Variants in UNC5D observed in about 807,000 individuals in gnomAD.
UNC5D encodes unc-5 netrin receptor D.
Under a neutral mutation model 105.4 loss-of-function variants are expected in UNC5D, and 39 were observed. That is an observed-to-expected ratio of 0.37 (90% CI 0.29 to 0.48). UNC5D has a LOEUF of 0.48. Ranked by LOEUF, UNC5D falls within the 20% of genes least tolerant of loss-of-function variation. The pLI, the probability that UNC5D is intolerant of heterozygous loss-of-function variation, is 0.98. For synonymous variants in UNC5D, 452 were observed against 450.4 expected, an observed-to-expected ratio of 1.00 and a Z score of -0.04; for missense variants, 991 against 1,202.4, an observed-to-expected ratio of 0.82 and a Z score of 2.60.
intron 1 of UNC5D, among the ~76,000 whole-genome samples, chr8:35,425,672 T>C (rs1374964459): frequency 1.3e-5 from 2 of 152,176 alleles, no homozygotes; most frequent in Non-Finnish European, 2.9e-5. Context: ...CTTTCTCCTA[T>C]TCACGTCTCT....
At chr8:35,750,488 A>G in intron 12 of UNC5D, 94 bp from the exon 13 acceptor site, 1 of 1,319,856 alleles carries the variant, frequency 7.6e-7, no homozygotes, top group Non-Finnish European at 1.1e-6. Flanking sequence ...AAACAAATTT[A>G]TATTTGTGTG....
intron 1 of UNC5D, among the ~76,000 whole-genome samples, chr8:35,376,949 C>T (rs1802732221): frequency 6.6e-6 from 1 of 152,186 alleles, no homozygotes; most frequent in Non-Finnish European, 1.5e-5. Context: ...TCTCATAGTG[C>T]ACTCCTTCCT....
chr8:35,774,547 A>C, intron 16 of UNC5D, 70 bp downstream of exon 16: 1 of 1,556,734 alleles, frequency 6.4e-7, no homozygotes, highest in Non-Finnish European at 8.7e-7. Context: ...GGCTAAGTGA[A>C]ACCATGTAGT....
At chr8:35,553,267 G>A (rs1275837191) in intron 2 of UNC5D, among the ~76,000 whole-genome samples, 2 of 151,264 alleles carry the variant, frequency 1.3e-5, no homozygotes, top group Non-Finnish European at 2.9e-5. Flanking sequence ...AATTCCCCTA[G>A]CATTGCTAGG....
chr8:35,782,871 C>T (rs939223750), intron 16 of UNC5D, among the ~76,000 whole-genome samples: 5 of 152,128 alleles, frequency 3.3e-5, no homozygotes, highest in East Asian at 3.9e-4. Context: ...TGGTAGCTCA[C>T]ATCTATAGTC....
chr8:35,796,392 A>G lies in UNC5D; in HGVS notation c.*5829A>G, dbSNP rs1331617671. ...AAACAGCTCTGTTATATTGTATTGAACAAAATGGACGGTTTGGATGTTTTA... is the reference window on the plus strand; with the variant it reads ...AAACAGCTCTGTTATATTGTATTGAGCAAAATGGACGGTTTGGATGTTTTA... On this transcript the variant is annotated 3_prime_UTR_variant, in exon 17 of 17. Coordinates refer to ENST00000404895, the MANE Select transcript of UNC5D (RefSeq NM_080872.4). 1 of 150,226 alleles carries G rather than the reference A, an allele frequency of 6.7e-6. No individual in the cohort carries two copies. The highest frequency in any genetic ancestry group is 2.5e-5 in the African/African-American group (1 of 40,532). 9.3% of individuals were successfully genotyped at this position (150,226 alleles called of 1,614,324 possible).
intron 3 of UNC5D, among the ~76,000 whole-genome samples, chr8:35,590,873 CT>C (rs1819123221): frequency 6.6e-6 from 1 of 152,086 alleles, no homozygotes; most frequent in African/African-American, 2.4e-5. Context: ...TGGTGGGGTC[CT>C]GAGATCTATG....
At chr8:35,354,062 T>C (rs1158802560) in intron 1 of UNC5D, among the ~76,000 whole-genome samples, 1 of 152,086 alleles carries the variant, frequency 6.6e-6, no homozygotes, top group Non-Finnish European at 1.5e-5. Flanking sequence ...AATATATTAA[T>C]GTGACTGCCT....
At chr8:35,339,116 A>C (rs1224053073) in intron 1 of UNC5D, among the ~76,000 whole-genome samples, 2 of 152,222 alleles carry the variant, frequency 1.3e-5, no homozygotes, top group Non-Finnish European at 2.9e-5. Flanking sequence ...TCCAAAGTAT[A>C]TTGGCATTGG....
chr8:35,621,459 G>T (rs1247600296), intron 4 of UNC5D, among the ~76,000 whole-genome samples: 1 of 152,122 alleles, frequency 6.6e-6, no homozygotes, highest in African/African-American at 2.4e-5. Context: ...TGTTAGGTTT[G>T]CTGATTAGTC....
chr8:35,269,940 TC>T (rs1224681627), intron 1 of UNC5D, among the ~76,000 whole-genome samples: 2 of 152,254 alleles, frequency 1.3e-5, no homozygotes, highest in South Asian at 2.1e-4. Context: ...TTTGATGGCA[TC>T]CCCCAGCCAC....
At position 35,549,952 on chromosome 8, in the gene UNC5D, C is replaced by CTTT. The variant is rs5890821; in HGVS notation, c.322+458_322+460dup. On this transcript the variant is annotated intron_variant, in intron 2 of 16. Transcript: ENST00000404895. ...CTCCACATTTGGTGGTTTCTGAGTCCTTTTTTTTTTTTTTTTTTGACTATG... is the reference window on the plus strand; with the variant it reads ...CTCCACATTTGGTGGTTTCTGAGTCCTTTTTTTTTTTTTTTTTTTTTGACTATG... Among the ~76,000 whole-genome samples the CTTT allele has an allele frequency of 1.2e-3, 148 of 125,568 alleles. 4 individuals carry two copies. The highest frequency in any genetic ancestry group is 4.3e-3 in the Middle Eastern group (1 of 230). The allele number at this position is 125,568 out of a possible 152,430, so 82.4% of individuals were successfully genotyped here.
intron 8 of UNC5D, among the ~76,000 whole-genome samples, chr8:35,719,182 A>ACACACACACG (rs1214654119): frequency 6.9e-6 from 1 of 145,686 alleles, no homozygotes; most frequent in African/African-American, 2.8e-5. Flanking sequence ...ACACACACAC[A>ACACACACACG]CACACGACTT....
intron 1 of UNC5D, among the ~76,000 whole-genome samples, chr8:35,419,053 C>T (rs1340397777): frequency 1.3e-5 from 2 of 152,174 alleles, no homozygotes; most frequent in African/African-American, 2.4e-5. Context: ...CACTTATTAG[C>T]AGAGAAATTC....
chr8:35,559,542 T>TA lies in UNC5D; in HGVS notation c.323-8554dup, dbSNP rs1412493345. ...GCTGCTGATGGCTTTGTCAGTGCAA[T>TA]AATGAGTGGTGGATAAAAAGCTCAG... On this transcript the variant is annotated intron_variant, in intron 2 of 16. Coordinates refer to ENST00000404895, the MANE Select transcript of UNC5D (RefSeq NM_080872.4). Among the ~76,000 whole-genome samples the TA allele has an allele frequency of 4.6e-5, 7 of 152,294 alleles. No individual in the cohort carries two copies. The South Asian group carries it at 1.2e-3, about 27-fold the overall frequency.
At chr8:35,364,994 T>A (rs893330751) in intron 1 of UNC5D, among the ~76,000 whole-genome samples, 15 of 152,126 alleles carry the variant, frequency 9.9e-5, no homozygotes, top group Non-Finnish European at 1.6e-4. Context: ...AACACTTCAG[T>A]GTGGATCATG....
intron 1 of UNC5D, among the ~76,000 whole-genome samples, chr8:35,251,567 G>C (rs992550186): frequency 1.3e-5 from 2 of 152,068 alleles, no homozygotes; most frequent in African/African-American, 4.8e-5. Context: ...TTCTTGCTAG[G>C]GTAAAAGAAT....
intron 14 of UNC5D, among the ~76,000 whole-genome samples, chr8:35,762,780 T>TGTTGGC (rs1259822860): frequency 6.6e-6 from 1 of 152,184 alleles, no homozygotes; most frequent in African/African-American, 2.4e-5. Flanking sequence ...AAATTATTTA[T>TGTTGGC]TTTTAAAAGC....
chr8:35,562,484 C>T (rs184529996), intron 2 of UNC5D, among the ~76,000 whole-genome samples: 70 of 152,208 alleles, frequency 4.6e-4, no homozygotes, highest in Non-Finnish European at 6.2e-4. Context: ...TCCACATTCT[C>T]TCTAGCACCT....
Sources: gnomAD v4.1 joint callset for allele counts (sites outside exome capture counted in the v4.1 genomes callset) on GRCh38, gnomAD v4.1.1 for gene constraint, MANE v1.5 for transcripts, NCBI Gene and HGNC (gene_info 2026-07-23, HGNC 2026-07-21) for gene names.